KAZN: variants seen among roughly 807,000 people sequenced by gnomAD.
The protein encoded by KAZN is kazrin.
A neutral mutation model predicts 87.4 loss-of-function variants in KAZN; 40 were observed. The observed-to-expected ratio is 0.46, with a 90% confidence interval of 0.36 to 0.60. The LOEUF (loss-of-function observed/expected upper bound fraction) is 0.60. Among genes scored for constraint, KAZN ranks in the 20% least tolerant of loss-of-function variants. The pLI is 0.00. For missense variants in KAZN, 898 were observed against 1,073.9 expected (o/e 0.84, Z 2.29); for synonymous variants, 466 against 458.3 (o/e 1.02, Z -0.22).
intron 2 of KAZN, among the ~76,000 whole-genome samples, chr1:14,462,861 G>A (rs374258799): frequency 2.4e-4 from 37 of 152,236 alleles, no homozygotes; most frequent in Admixed American, 1.5e-3. Flanking sequence ...CCCATGACAC[G>A]TGGAAATTGT....
rs753818530 is a variant in KAZN, at chr1:15,094,225, C to G, written c.1268C>G (p.Ser423Trp). Residue 423 changes from serine to tryptophan, a missense_variant, in exon 9 of 15, where the codon TCG becomes TGG. Ser to Trp is a radical substitution (Grantham distance 177, BLOSUM62 -3). This residue lies in a region of KAZN where 521 missense variants were observed against 689.4 expected (regional missense o/e 0.76). Transcript: ENST00000376030. This position sits in a 1 kb window ranked among gnomAD's most constrained non-coding sequence, Gnocchi z 4.5. ...CCCACGCGGCAGAGCCTCAGCCTGT[C>G]GGAAGGCGAGGAGCAGATGGACCGG... is the stretch of plus-strand genomic sequence containing the variant. ...CSPTRQSLSLSEGEEQMDRLQ... is the reference protein window; with the variant it reads ...CSPTRQSLSLWEGEEQMDRLQ... 5.0e-6 allele frequency: 8 copies of G among 1,613,820 alleles called. No individual in the cohort carries two copies. The highest frequency in any genetic ancestry group is 6.8e-6 in the Non-Finnish European group (8 of 1,179,886).
At position 15,021,447 on chromosome 1, in the gene KAZN, C is replaced by T. The variant is rs1670659337; in HGVS notation, c.419-13302C>T. On this transcript the variant is annotated intron_variant, in intron 2 of 14. Transcript: ENST00000376030. The surrounding 1 kb of genome is among the most constrained non-coding windows in gnomAD (Gnocchi z 4.2). ...GAGGAAGGAGGACATTTCCTGGACT[C>T]CCCTTCAGAGGCTGGAAAACAAACA... 6.6e-6 allele frequency among the ~76,000 whole-genome samples: 1 copy of T among 152,190 alleles called. No homozygotes were observed. The highest frequency in any genetic ancestry group is 2.1e-4 in the South Asian group (1 of 4,834).
intron 1 of KAZN, among the ~76,000 whole-genome samples, chr1:13,965,229 T>G (rs942503807): frequency 3.3e-5 from 5 of 152,034 alleles, no homozygotes; most frequent in African/African-American, 1.2e-4. Context: ...AGTTCTGTGT[T>G]GAGACTAGAT....
At chr1:14,761,178 G>C (rs1212088309) in intron 1 of KAZN, among the ~76,000 whole-genome samples, 1 of 152,114 alleles carries the variant, frequency 6.6e-6, no homozygotes, top group African/African-American at 2.4e-5. Context: ...CCTGCAGCAG[G>C]CTAGGTCTGT....
chr1:14,251,642 A>ATTTTTTTTT (rs1571144709), intron 2 of KAZN, among the ~76,000 whole-genome samples: 2 of 81,518 alleles, frequency 2.5e-5, no homozygotes, highest in African/African-American at 8.3e-5. Flanking sequence ...GTTCTCCCGG[A>ATTTTTTTTT]CTTTTTTTTT....
chr1:14,595,231 A>C (rs1040850021), upstream of KAZN, among the ~76,000 whole-genome samples: 1 of 152,184 alleles, frequency 6.6e-6, no homozygotes, highest in Non-Finnish European at 1.5e-5. Context: ...GGCAGCATCA[A>C]AACTACAGAG....
chr1:14,794,726 G>A (rs1177688105), intron 1 of KAZN, among the ~76,000 whole-genome samples: 1 of 152,188 alleles, frequency 6.6e-6, no homozygotes, highest in Non-Finnish European at 1.5e-5. Flanking sequence ...TTAATACTGA[G>A]TGTCAACTTG....
At chr1:14,394,334 A>G (rs1184164502) in intron 2 of KAZN, among the ~76,000 whole-genome samples, 1 of 152,266 alleles carries the variant, frequency 6.6e-6, no homozygotes, top group Non-Finnish European at 1.5e-5. Context: ...TGGATTTCCA[A>G]TATTCTCCTG....
intron 1 of KAZN, among the ~76,000 whole-genome samples, chr1:14,741,474 G>A (rs1644096687): frequency 6.6e-6 from 1 of 152,192 alleles, no homozygotes; most frequent in African/African-American, 2.4e-5. Flanking sequence ...CTTCTCTTGG[G>A]CCTCCTGGAA....
Position 14,598,922 on chromosome 1 carries a change from G to A in KAZN, c.-76G>A, listed in dbSNP as rs902730414. 6 of 1,551,930 alleles carry A rather than the reference G, an allele frequency of 3.9e-6. No homozygotes were observed. Among genetic ancestry groups the A allele is most frequent in the Middle Eastern group, 1.7e-4 (1 of 5,892 alleles). On this transcript the variant is annotated 5_prime_UTR_variant, in exon 1 of 15. Transcript: ENST00000376030. The surrounding 1 kb of genome is among the most constrained non-coding windows in gnomAD (Gnocchi z 4.2). Reference sequence around the variant, plus strand: ...GGAGGACACAACAGGTAGAGCCGGGGGTGCCCGGCCGCGCGCCCCCCGCGC... The same window carrying A: ...GGAGGACACAACAGGTAGAGCCGGGAGTGCCCGGCCGCGCGCCCCCCGCGC...
At chr1:14,135,342 G>T (rs905452234) in intron 1 of KAZN, among the ~76,000 whole-genome samples, 2 of 152,162 alleles carry the variant, frequency 1.3e-5, no homozygotes, top group African/African-American at 4.8e-5. Flanking sequence ...AAAGTCAGCC[G>T]AATAGCTGGT....
intron 2 of KAZN, among the ~76,000 whole-genome samples, chr1:14,413,645 A>C (rs150971684): frequency 1.3e-5 from 2 of 151,296 alleles, no homozygotes; most frequent in East Asian, 3.9e-4. Flanking sequence ...ATATAGGAAG[A>C]CTACCTTTAT....
chr1:14,614,959 A>G (rs1678110215), intron 1 of KAZN, among the ~76,000 whole-genome samples: 1 of 152,212 alleles, frequency 6.6e-6, no homozygotes, highest in African/African-American at 2.4e-5. Context: ...GTTTCCTCGT[A>G]GGGATAATGC....
chr1:15,074,759 A>C (rs1203150109), intron 8 of KAZN, among the ~76,000 whole-genome samples: 1 of 152,116 alleles, frequency 6.6e-6, no homozygotes, highest in Non-Finnish European at 1.5e-5. Flanking sequence ...CTCAGTCCTG[A>C]CGCTTGTTAC....
At chr1:14,615,899 C>T (rs1488695217) in intron 1 of KAZN, among the ~76,000 whole-genome samples, 3 of 152,192 alleles carry the variant, frequency 2.0e-5, no homozygotes, top group African/African-American at 7.2e-5. Flanking sequence ...TCCATCAGTT[C>T]CACCTTAAAA....
At chr1:14,843,444 G>C (rs1039761063) in intron 1 of KAZN, among the ~76,000 whole-genome samples, 2 of 152,268 alleles carry the variant, frequency 1.3e-5, no homozygotes, top group Middle Eastern at 3.4e-3. Flanking sequence ...GCAGAGAGAA[G>C]GGCACAGGAG....
chr1:15,008,584 C>T (rs1669263608), intron 2 of KAZN, among the ~76,000 whole-genome samples: 1 of 152,226 alleles, frequency 6.6e-6, no homozygotes, highest in Non-Finnish European at 1.5e-5. Flanking sequence ...CTTTAAACCC[C>T]TCTGGAACAG....
intron 1 of KAZN, among the ~76,000 whole-genome samples, chr1:14,093,954 C>T (rs528925393): frequency 3.9e-5 from 6 of 152,272 alleles, no homozygotes; most frequent in African/African-American, 1.4e-4. Flanking sequence ...AGCATTTCTT[C>T]TTCCCAGGTA....
At chr1:14,598,569 C>T (rs932702413), upstream of KAZN, 46 of 750,804 alleles carry the variant, frequency 6.1e-5, no homozygotes, top group Non-Finnish European at 7.2e-5. This position sits in a 1 kb window ranked among gnomAD's most constrained non-coding sequence, Gnocchi z 4.2. Flanking sequence ...GGTGTGTCTC[C>T]GAAGTACGGG....
Sources: gnomAD v4.1 joint callset for allele counts (sites outside exome capture counted in the v4.1 genomes callset) on GRCh38, gnomAD v4.1.1 for gene constraint, gnomAD v4.1.1 regional missense constraint, Gnocchi (gnomAD v3.1) non-coding constraint, MANE v1.5 for transcripts, NCBI Gene and HGNC (gene_info 2026-07-23, HGNC 2026-07-21) for gene names.